CYSTM1: variants seen among roughly 807,000 people sequenced by gnomAD.
CYSTM1 encodes the protein cysteine-rich transmembrane module-containing protein 1.
A neutral mutation model predicts 13.1 loss-of-function variants in CYSTM1; 4 were observed. The observed-to-expected ratio is 0.31, with a 90% CI of 0.15 to 0.70. The LOEUF (loss-of-function observed/expected upper bound fraction) is 0.70, where lower values mean the gene tolerates loss of function less well. Among genes scored for constraint, CYSTM1 ranks in the 30% least tolerant of loss-of-function variants. The pLI is 0.72. For missense variants in CYSTM1, 96 were observed against 121.6 expected (o/e 0.79, Z 0.99); for synonymous variants, 36 against 42.7 (o/e 0.84, Z 0.62).
intron 2 of CYSTM1, among the ~76,000 whole-genome samples, chr5:140,218,572 G>C (rs1216495101): frequency 6.6e-6 from 1 of 152,180 alleles, no homozygotes; most frequent in Non-Finnish European, 1.5e-5. Flanking sequence ...CCCTCAAAGT[G>C]GCACTGAGGT....
At chr5:140,188,159 C>T (rs1231650274) in intron 1 of CYSTM1, among the ~76,000 whole-genome samples, 1 of 149,648 alleles carries the variant, frequency 6.7e-6, no homozygotes, top group Admixed American at 6.7e-5. Flanking sequence ...CACTGCAGCT[C>T]AAACTCCTGG....
chr5:140,216,493 G>C (rs910700299), intron 2 of CYSTM1, among the ~76,000 whole-genome samples: 4 of 152,168 alleles, frequency 2.6e-5, no homozygotes, highest in Admixed American at 2.6e-4. Context: ...CGTGGAGACA[G>C]ACCCATTGAG....
intron 2 of CYSTM1, among the ~76,000 whole-genome samples, chr5:140,235,070 G>A (rs1211628900): frequency 1.3e-5 from 2 of 150,978 alleles, no homozygotes; most frequent in Admixed American, 6.6e-5. Context: ...GGGTTCAAGC[G>A]ATTCTCCTGC....
intron 2 of CYSTM1, among the ~76,000 whole-genome samples, chr5:140,236,558 T>C (rs1300785863): frequency 6.6e-6 from 1 of 152,356 alleles, no homozygotes; most frequent in East Asian, 1.9e-4. Flanking sequence ...TCTCTGTAAA[T>C]TGAGAGCTTG....
intron 2 of CYSTM1, among the ~76,000 whole-genome samples, chr5:140,213,884 T>A (rs1764399521): frequency 6.6e-6 from 1 of 152,202 alleles, no homozygotes; most frequent in South Asian, 2.1e-4. Context: ...TCAGAACATA[T>A]CTCCATCATT....
At chr5:140,199,873 G>A (rs1351955046) in intron 2 of CYSTM1, among the ~76,000 whole-genome samples, 1 of 152,244 alleles carries the variant, frequency 6.6e-6, no homozygotes, top group Non-Finnish European at 1.5e-5. Flanking sequence ...CTAATGACCA[G>A]TGATGATGAA....
chr5:140,183,276 C>G (rs770030587), intron 1 of CYSTM1, among the ~76,000 whole-genome samples: 30 of 152,166 alleles, frequency 2.0e-4, no homozygotes, highest in Admixed American at 6.5e-5. Context: ...TTCTCTCTCT[C>G]CATGCCCTAA....
intron 1 of CYSTM1, among the ~76,000 whole-genome samples, chr5:140,177,075 A>AAAAACAAAAAAAAAACAAAAC (rs1356130969): frequency 3.3e-5 from 5 of 151,224 alleles, no homozygotes; most frequent in African/African-American, 1.2e-4. Flanking sequence ...TCTCAAAAAA[A>AAAAACAAAAAAAAAACAAAAC]AAAAAAAAAA....
At chr5:140,242,618 G>A (rs985796833) in intron 2 of CYSTM1, among the ~76,000 whole-genome samples, 2 of 152,146 alleles carry the variant, frequency 1.3e-5, no homozygotes, top group African/African-American at 2.4e-5. Context: ...TTGACCTATG[G>A]ATTTGTTTAG....
chr5:140,195,461 A>C (rs1305880448), intron 2 of CYSTM1, among the ~76,000 whole-genome samples: 2 of 54,468 alleles, frequency 3.7e-5, no homozygotes, highest in South Asian at 1.0e-3. Context: ...TTTTTTTTTG[A>C]GACGGAGTCT....
intron 2 of CYSTM1, among the ~76,000 whole-genome samples, 159 bp from the exon 3 acceptor site, chr5:140,243,146 T>C (rs1764771520): frequency 1.3e-5 from 2 of 152,202 alleles, no homozygotes; most frequent in African/African-American, 4.8e-5. Context: ...TGAGCCACCC[T>C]CCTTCCATTC....
chr5:140,237,432 C>T (rs529104375), intron 2 of CYSTM1, among the ~76,000 whole-genome samples: 1 of 152,210 alleles, frequency 6.6e-6, no homozygotes, highest in Non-Finnish European at 1.5e-5. Flanking sequence ...GGTGTGGTGA[C>T]AGGCCAGGAC....
chr5:140,188,256 G>A (rs368201650), intron 1 of CYSTM1, among the ~76,000 whole-genome samples: 1 of 151,568 alleles, frequency 6.6e-6, no homozygotes, highest in African/African-American at 2.4e-5. Flanking sequence ...CGGGGGGAAG[G>A]GGGGAGGGTA....
chr5:140,208,777 C>T (rs1043862549), intron 2 of CYSTM1, among the ~76,000 whole-genome samples: 4 of 152,108 alleles, frequency 2.6e-5, no homozygotes, highest in African/African-American at 7.2e-5. Flanking sequence ...TGGTGGCTCA[C>T]GCCTATAATC....
At chr5:140,238,541 T>C (rs973014249) in intron 2 of CYSTM1, among the ~76,000 whole-genome samples, 77 of 152,162 alleles carry the variant, frequency 5.1e-4, no homozygotes, top group African/African-American at 1.8e-3. Flanking sequence ...GGCATTGCCT[T>C]TAGGACATTT....
chr5:140,210,526 T>C (rs1175412773), intron 2 of CYSTM1, among the ~76,000 whole-genome samples: 1 of 152,058 alleles, frequency 6.6e-6, no homozygotes, highest in Non-Finnish European at 1.5e-5. Context: ...CTTCTTTTTT[T>C]TTTTTGAAAT....
At position 140,183,434 on chromosome 5, in the gene CYSTM1, T is replaced by G. The variant is rs939952278; in HGVS notation, c.-21+8149T>G. On this transcript the variant is annotated intron_variant, in intron 1 of 2. Coordinates refer to ENST00000261811, the MANE Select transcript of CYSTM1 (RefSeq NM_032412.4). ...CATTCTCACTTTGAGGGTTGACTAT[T>G]TGAAGTTCCAATTATAATGCTGTCC... is the stretch of plus-strand genomic sequence containing the variant. Among the ~76,000 whole-genome samples, 4 of 152,240 alleles carry G rather than the reference T, an allele frequency of 2.6e-5. No homozygotes were observed. The East Asian group carries it at 7.7e-4, about 29-fold the overall frequency.
chr5:140,177,948 T>C (rs147164429), intron 1 of CYSTM1, among the ~76,000 whole-genome samples: 12 of 152,294 alleles, frequency 7.9e-5, no homozygotes, highest in African/African-American at 2.9e-4. Context: ...GTCAGGGCAG[T>C]TAAGTAGGCC....
chr5:140,189,364 A>G (rs1561809299), intron 1 of CYSTM1, among the ~76,000 whole-genome samples: 1 of 149,302 alleles, frequency 6.7e-6, no homozygotes, highest in East Asian at 2.0e-4. Flanking sequence ...TGCCTGCTTC[A>G]CCCTTTGTCT....
Sources: gnomAD v4.1 joint callset for allele counts (sites outside exome capture counted in the v4.1 genomes callset) on GRCh38, gnomAD v4.1.1 for gene constraint, MANE v1.5 for transcripts, NCBI Gene and HGNC (gene_info 2026-07-23, HGNC 2026-07-21) for gene names.